The following SCML4 variants were observed in gnomAD, a reference collection of about 807,000 sequenced individuals.
SCML4 encodes Scm polycomb group protein like 4, also known as sex comb on midleg-like protein 4.
Under a neutral mutation model 41.1 loss-of-function variants are expected in SCML4, and 34 were observed. The ratio of observed to expected loss-of-function variants is 0.83; its 90% confidence interval spans 0.63 to 1.10. SCML4 has a LOEUF of 1.10. Ranked by LOEUF, SCML4 falls within the 50% of genes least tolerant of loss-of-function variation. The pLI, the probability that SCML4 is intolerant of heterozygous loss-of-function variation, is 0.00. For synonymous variants in SCML4, 214 were observed against 220.9 expected (o/e 0.97, Z 0.28); for missense variants, 522 against 534.1 (o/e 0.98, Z 0.22).
chr6:107,802,965 C>G (rs1783334752), intron 1 of SCML4, among the ~76,000 whole-genome samples: 1 of 151,746 alleles, frequency 6.6e-6, no homozygotes, highest in Admixed American at 6.6e-5. Context: ...GGGCTGGTCT[C>G]CAGCTCCTAA....
At chr6:107,714,419 T>C (rs1774545448) in intron 6 of SCML4, among the ~76,000 whole-genome samples, 1 of 152,188 alleles carries the variant, frequency 6.6e-6, no homozygotes, top group Admixed American at 6.5e-5. Flanking sequence ...TGGGAAGCCT[T>C]TCCAGACTCC....
intron 1 of SCML4, among the ~76,000 whole-genome samples, chr6:107,802,088 A>T (rs988064869): frequency 2.6e-5 from 4 of 152,036 alleles, no homozygotes; most frequent in African/African-American, 9.7e-5. Context: ...TTCTTTACTC[A>T]ACAAATATTT....
intron 1 of SCML4, among the ~76,000 whole-genome samples, chr6:107,774,320 A>G (rs1780745947): frequency 6.6e-6 from 1 of 152,168 alleles, no homozygotes. Flanking sequence ...CTATCTTAGT[A>G]GTACATAAAA....
chr6:107,745,175 C>CG (rs1562209894), intron 4 of SCML4, 32 bp from the exon 5 acceptor site: 1 of 1,488,332 alleles, frequency 6.7e-7, no homozygotes, highest in East Asian at 2.5e-5. Context: ...AGCTTAGAGC[C>CG]GGGCACTGGA....
chr6:107,766,703 C>T (rs1780076190), intron 2 of SCML4, among the ~76,000 whole-genome samples: 1 of 152,238 alleles, frequency 6.6e-6, no homozygotes, highest in Non-Finnish European at 1.5e-5. Flanking sequence ...CCCCTGACCC[C>T]TGTTCCAGCC....
intron 2 of SCML4, among the ~76,000 whole-genome samples, chr6:107,767,862 C>T (rs1013187506): frequency 6.6e-6 from 1 of 152,128 alleles, no homozygotes; most frequent in Non-Finnish European, 1.5e-5. Context: ...AGGAGACAGG[C>T]GTGCCCTCTG....
chr6:107,751,641 T>C (rs188516181), intron 2 of SCML4, among the ~76,000 whole-genome samples: 54 of 140,416 alleles, frequency 3.8e-4, no homozygotes, highest in African/African-American at 1.4e-3. Flanking sequence ...TTTCTTTCTT[T>C]CTTTCTTTTT....
At chr6:107,714,412 G>A (rs991735075) in intron 6 of SCML4, among the ~76,000 whole-genome samples, 1 of 152,096 alleles carries the variant, frequency 6.6e-6, no homozygotes, top group Non-Finnish European at 1.5e-5. Flanking sequence ...CCTTCTCTGG[G>A]AAGCCTTTCC....
chr6:107,780,482 C>A (rs372881855), intron 1 of SCML4, among the ~76,000 whole-genome samples: 2 of 152,020 alleles, frequency 1.3e-5, no homozygotes, highest in South Asian at 2.1e-4. Flanking sequence ...TCAAGGCAGA[C>A]GAATCACTTG....
chr6:107,759,132 CAAAAAAAAAAA>C (rs60124415), intron 2 of SCML4, among the ~76,000 whole-genome samples: 4 of 88,220 alleles, frequency 4.5e-5, no homozygotes, highest in African/African-American at 1.8e-4. Context: ...ACAAAAAATA[CAAAAAAAAAAA>C]AAAAAAAAAA....
At chr6:107,732,460 T>C (rs1776660033) in intron 5 of SCML4, 1 of 152,244 alleles carries the variant, frequency 6.6e-6, no homozygotes, top group East Asian at 1.9e-4. Flanking sequence ...TTCTATTTTT[T>C]CTCCCCTAAT....
At position 107,716,468 on chromosome 6, in the gene SCML4, G is replaced by A. The variant is rs17052347; in HGVS notation, c.973+4235C>T. Among the ~76,000 whole-genome samples, 514 of 152,152 alleles carry A rather than the reference G, an allele frequency of 3.4e-3. 2 individuals carry two copies. The highest frequency in any genetic ancestry group is 0.012 in the African/African-American group (483 of 41,494). On this transcript the variant is annotated intron_variant, in intron 6 of 7. Coordinates refer to ENST00000369020, the MANE Select transcript of SCML4 (RefSeq NM_198081.5). ...ATCCTAAACATATAACTTATAATAAGTCGGAAACTGTCTGGCCCCCTTGAG... is the reference window on the plus strand; with the variant it reads ...ATCCTAAACATATAACTTATAATAAATCGGAAACTGTCTGGCCCCCTTGAG...
At chr6:107,731,724 A>G (rs1776572047) in intron 5 of SCML4, among the ~76,000 whole-genome samples, 1 of 152,212 alleles carries the variant, frequency 6.6e-6, no homozygotes, top group South Asian at 2.1e-4. Context: ...GCTGACAGAG[A>G]TGGCAACATC....
At chr6:107,831,676 TG>T in the SCML4 span, among the ~76,000 whole-genome samples, 3 of 152,094 alleles carry the variant, frequency 2.0e-5, no homozygotes, top group Admixed American at 6.5e-5. Flanking sequence ...CCCAGCACTG[TG>T]GGAGGCCAAA....
At chr6:107,706,188 A>C (rs1354996410) in intron 7 of SCML4, among the ~76,000 whole-genome samples, 2 of 152,130 alleles carry the variant, frequency 1.3e-5, no homozygotes, top group African/African-American at 4.8e-5. Context: ...GTCACTCTCC[A>C]TGTCTTTGGC....
intron 1 of SCML4, among the ~76,000 whole-genome samples, chr6:107,801,481 A>G (rs967055220): frequency 6.6e-5 from 10 of 152,010 alleles, no homozygotes; most frequent in African/African-American, 2.2e-4. Context: ...TAATCCTACA[A>G]TGAGCTCATT....
chr6:107,824,108 A>G lies in SCML4; in HGVS notation c.-60+18T>C, dbSNP rs575206601. 6.6e-5 allele frequency: 10 copies of G among 152,254 alleles called. No homozygotes were observed. The highest frequency in any genetic ancestry group is 1.4e-4 in the African/African-American group (6 of 41,542). The allele number at this position is 152,254 out of a possible 1,614,324, so 9.4% of individuals were successfully genotyped here. A position where few individuals can be genotyped will look rare whatever the true frequency, so the allele number is the denominator to read the frequency against. ...ATCCCGTGTCAACGGCACGCCTCCAATTGTGCATCTCCCTTACCTACAGCT... is the reference window on the plus strand; with the variant it reads ...ATCCCGTGTCAACGGCACGCCTCCAGTTGTGCATCTCCCTTACCTACAGCT... On this transcript the variant is annotated intron_variant, in intron 1 of 7. Coordinates refer to ENST00000369020, the MANE Select transcript of SCML4 (RefSeq NM_198081.5).
intron 5 of SCML4, among the ~76,000 whole-genome samples, chr6:107,742,059 A>G (rs142749317): frequency 6.6e-6 from 1 of 152,318 alleles, no homozygotes; most frequent in South Asian, 2.1e-4. Context: ...ATTCAGAAAT[A>G]TATCAGAGAA....
intron 6 of SCML4, among the ~76,000 whole-genome samples, chr6:107,711,363 T>C (rs1417678007): frequency 6.6e-6 from 1 of 152,144 alleles, no homozygotes; most frequent in Non-Finnish European, 1.5e-5. Flanking sequence ...TCCCATAAGA[T>C]GATAATGATT....
Sources: gnomAD v4.1 joint callset for allele counts (sites outside exome capture counted in the v4.1 genomes callset) on GRCh38, gnomAD v4.1.1 for gene constraint, MANE v1.5 for transcripts, NCBI Gene and HGNC (gene_info 2026-07-23, HGNC 2026-07-21) for gene names.